The following RAD50 variants were observed in gnomAD, a reference collection of about 807,000 sequenced individuals.
The protein encoded by RAD50 is RAD50 double strand break repair protein.
A neutral mutation model predicts 168.8 loss-of-function variants in RAD50; 132 were observed. The ratio of observed to expected loss-of-function variants is 0.78; its 90% CI spans 0.68 to 0.90. The LOEUF is 0.90. Ranked by LOEUF, RAD50 falls within the 40% of genes least tolerant of loss-of-function variation. The probability of loss-of-function intolerance (pLI) is 0.00; values close to 1 mark genes in which losing one functional copy is unlikely to be tolerated. For missense variants in RAD50, 1,347 were observed against 1,534.4 expected (o/e 0.88, Z 2.04); for synonymous variants, 525 against 497.4 (o/e 1.06, Z -0.74).
intron 21 of RAD50, 99 bp downstream of exon 21, chr5:132,618,393 T>C: frequency 6.5e-7 from 1 of 1,527,238 alleles, no homozygotes; most frequent in Non-Finnish European, 8.8e-7. Flanking sequence ...TTTTTTATTT[T>C]TTGAGACAGA....
At chr5:132,579,269 T>TA in intron 3 of RAD50, 48 bp from the exon 4 acceptor site, 2 of 1,563,052 alleles carry the variant, frequency 1.3e-6, no homozygotes, top group African/African-American at 1.4e-5. Context: ...ATAGAATAGA[T>TA]ACACTGAAGG....
At chr5:132,562,043 A>C (rs1750133572) in intron 2 of RAD50, among the ~76,000 whole-genome samples, 1 of 152,202 alleles carries the variant, frequency 6.6e-6, no homozygotes, top group East Asian at 1.9e-4. Context: ...AGAGGGAATG[A>C]GTTGTTCAAA....
At chr5:132,621,153 G>A (rs1486308737) in intron 21 of RAD50, among the ~76,000 whole-genome samples, 1 of 152,046 alleles carries the variant, frequency 6.6e-6, no homozygotes. Context: ...TCTCAAAGTG[G>A]TCGTGGAGCA....
intron 21 of RAD50, among the ~76,000 whole-genome samples, chr5:132,628,589 T>C (rs1225761821): frequency 6.6e-6 from 1 of 152,114 alleles, no homozygotes; most frequent in East Asian, 1.9e-4. Context: ...CTCACACCTG[T>C]AATCCCAGCA....
At chr5:132,560,604 T>C (rs1212575184) in intron 2 of RAD50, among the ~76,000 whole-genome samples, 1 of 152,220 alleles carries the variant, frequency 6.6e-6, no homozygotes, top group African/African-American at 2.4e-5. Flanking sequence ...GAAACTACTG[T>C]ACATACGTGC....
At chr5:132,566,206 T>C (rs925581472) in intron 2 of RAD50, among the ~76,000 whole-genome samples, 2 of 152,242 alleles carry the variant, frequency 1.3e-5, no homozygotes, top group Admixed American at 1.3e-4. Context: ...GTGATAGAAA[T>C]GCTACAAGAT....
At chr5:132,611,262 G>A (rs1463757946) in intron 19 of RAD50, among the ~76,000 whole-genome samples, 10 of 152,160 alleles carry the variant, frequency 6.6e-5, no homozygotes, top group South Asian at 4.1e-4. Flanking sequence ...GTGGTGACAC[G>A]CGCCTGTAAT....
rs1456091961 is a variant in RAD50, at chr5:132,603,395, TAGA to T, written c.2308_2310del (p.Glu770del). 1 of 1,613,690 alleles carries T rather than the reference TAGA, an allele frequency of 6.2e-7. No individual in the cohort carries two copies. The highest frequency in any genetic ancestry group is 1.3e-5 in the African/African-American group (1 of 74,894). On this transcript the variant is annotated inframe_deletion, in exon 14 of 25. Transcript: ENST00000378823. ...GACATACAGCGCCTAAAGAACGACATAGAAGAACAAGAAACACTCTTGGGTACA... is the reference window on the plus strand; with the variant it reads ...GACATACAGCGCCTAAAGAACGACATAGAACAAGAAACACTCTTGGGTACA...
At chr5:132,601,901 C>T (rs1750895870) in intron 13 of RAD50, among the ~76,000 whole-genome samples, 1 of 152,110 alleles carries the variant, frequency 6.6e-6, no homozygotes, top group Non-Finnish European at 1.5e-5. Flanking sequence ...ATTGCATGTT[C>T]TCACTCATAA....
rs786202582 is a variant in RAD50, at chr5:132,618,299, G to A, written c.3389+5G>A. 3.7e-6 allele frequency: 6 copies of A among 1,613,636 alleles called. No individual in the cohort carries two copies. Among genetic ancestry groups the A allele is most frequent in the Non-Finnish European group, 4.2e-6 (5 of 1,179,920 alleles). ...TTATTATAAGACTCTTGACCAGTAA[G>A]TATTAGACTGGGGATTTTCTTATTG... On this transcript the variant is annotated splice_donor_5th_base_variant and intron_variant, in intron 21 of 24. Transcript: ENST00000378823.
At chr5:132,639,566 C>T (rs1751672526) in intron 23 of RAD50, among the ~76,000 whole-genome samples, 1 of 152,150 alleles carries the variant, frequency 6.6e-6, no homozygotes. Context: ...AACATGGTCT[C>T]TTTGAATTAA....
At chr5:132,593,264 T>G (rs1328501613) in intron 11 of RAD50, 1 of 170,612 alleles carries the variant, frequency 5.9e-6, no homozygotes, top group African/African-American at 2.4e-5. Context: ...GGGGCTCTTT[T>G]CAAACTGATG....
At chr5:132,630,187 C>T (rs187497405) in intron 21 of RAD50, among the ~76,000 whole-genome samples, 138 of 152,040 alleles carry the variant, frequency 9.1e-4, no homozygotes, top group African/African-American at 2.7e-3. Context: ...GGATTACAGG[C>T]GCCTGCCACC....
chr5:132,611,202 C>T (rs1473430469), intron 19 of RAD50, among the ~76,000 whole-genome samples: 2 of 151,354 alleles, frequency 1.3e-5, no homozygotes, highest in Middle Eastern at 3.5e-3. Context: ...ACTAGCCTGG[C>T]CAATATGGTA....
intron 21 of RAD50, among the ~76,000 whole-genome samples, chr5:132,625,173 G>A (rs1751351558): frequency 1.4e-5 from 2 of 148,030 alleles, no homozygotes; most frequent in Non-Finnish European, 3.0e-5. Context: ...TGCAAGCTCC[G>A]CCTCCCGGGT....
chr5:132,597,714 T>C (rs1750815669), intron 13 of RAD50, among the ~76,000 whole-genome samples: 1 of 152,210 alleles, frequency 6.6e-6, no homozygotes, highest in Admixed American at 6.5e-5. Context: ...CTCTTGATCC[T>C]CATATCTCTG....
intron 2 of RAD50, among the ~76,000 whole-genome samples, chr5:132,563,587 TAAAG>T (rs1359849632): frequency 1.3e-5 from 2 of 152,192 alleles, no homozygotes; most frequent in African/African-American, 2.4e-5. Flanking sequence ...TGTGAAAATT[TAAAG>T]AGAGACCAGC....
intron 1 of RAD50, among the ~76,000 whole-genome samples, chr5:132,558,299 T>C (rs1750047901): frequency 6.6e-6 from 1 of 152,250 alleles, no homozygotes; most frequent in African/African-American, 2.4e-5. Context: ...GTATAGTGTT[T>C]ATGAGGACTG....
chr5:132,638,336 T>C, intron 23 of RAD50, 113 bp downstream of exon 23: 1 of 1,248,150 alleles, frequency 8.0e-7, no homozygotes, highest in Non-Finnish European at 1.1e-6. Context: ...GGAAGCTCTT[T>C]GCTGCTATAT....
Sources: allele counts gnomAD v4.1 joint callset (sites outside exome capture counted in the v4.1 genomes callset), GRCh38; gene constraint gnomAD v4.1.1; transcripts MANE v1.5; gene names NCBI Gene and HGNC (gene_info 2026-07-23, HGNC 2026-07-21).